PTAFR: variants seen among roughly 807,000 people sequenced by gnomAD.
The protein encoded by PTAFR is platelet activating factor receptor.
PTAFR carries 8 observed loss-of-function variants against 14.7 expected under a neutral mutation model. The ratio of observed to expected loss-of-function variants is 0.54; its 90% CI spans 0.32 to 0.98. PTAFR has a LOEUF of 0.98. PTAFR is among the 50% of genes least tolerant of loss of function. PTAFR has a pLI of 0.04. For missense variants in PTAFR, 337 were observed against 451.2 expected (o/e 0.75, Z 2.29); for synonymous variants, 156 against 176.5 (o/e 0.88, Z 0.92).
At chr1:28,156,999 G>A (rs1295931825) in intron 1 of PTAFR, among the ~76,000 whole-genome samples, 1 of 152,146 alleles carries the variant, frequency 6.6e-6, no homozygotes, top group East Asian at 1.9e-4. Context: ...CTCTTCCTGG[G>A]TTCCTGCACC....
chr1:28,154,482 A>T (rs1646239467), intron 1 of PTAFR, among the ~76,000 whole-genome samples: 1 of 152,118 alleles, frequency 6.6e-6, no homozygotes. Flanking sequence ...AGACAAAAGC[A>T]ATTTAAACAA....
upstream of PTAFR, among the ~76,000 whole-genome samples, chr1:28,178,213 T>C (rs1646533766): frequency 6.6e-6 from 1 of 152,148 alleles, no homozygotes; most frequent in Non-Finnish European, 1.5e-5. Context: ...ATGTCCCTTA[T>C]CAAAGCCAAA....
chr1:28,169,432 G>A (rs762025210), intron 1 of PTAFR, among the ~76,000 whole-genome samples: 3 of 152,096 alleles, frequency 2.0e-5, no homozygotes, highest in Non-Finnish European at 4.4e-5. Flanking sequence ...TGCCGCCTTC[G>A]GGCCTCATTT....
intron 1 of PTAFR, among the ~76,000 whole-genome samples, chr1:28,172,019 C>T (rs905611290): frequency 6.6e-6 from 1 of 151,500 alleles, no homozygotes. Context: ...GTGTGTGTTG[C>T]GGGGGTGGGG....
intron 1 of PTAFR, among the ~76,000 whole-genome samples, chr1:28,185,593 G>A (rs1055874848): frequency 2.0e-5 from 3 of 152,116 alleles, no homozygotes; most frequent in African/African-American, 7.2e-5. Context: ...GTGTGAACTT[G>A]AAAAAGCCAA....
chr1:28,181,300 A>G (rs1427579191), upstream of PTAFR, among the ~76,000 whole-genome samples: 1 of 152,124 alleles, frequency 6.6e-6, no homozygotes. Context: ...TCACAACACC[A>G]CCTATAAAAC....
intron 1 of PTAFR, among the ~76,000 whole-genome samples, chr1:28,173,571 A>C (rs1214507039): frequency 1.3e-5 from 2 of 151,308 alleles, no homozygotes; most frequent in Admixed American, 6.6e-5. Context: ...GGACTGCTTG[A>C]GCCCAGGAGA....
chr1:28,183,530 AG>A (rs1321285307), intron 1 of PTAFR, among the ~76,000 whole-genome samples: 2 of 152,228 alleles, frequency 1.3e-5, no homozygotes, highest in African/African-American at 4.8e-5. Context: ...CAGGAAGCTA[AG>A]GTGGGAGGAT....
At chr1:28,168,666 T>C (rs1389119430) in intron 1 of PTAFR, among the ~76,000 whole-genome samples, 1 of 152,102 alleles carries the variant, frequency 6.6e-6, no homozygotes, top group Non-Finnish European at 1.5e-5. Context: ...GATGAAAACA[T>C]TCTTTTTTGT....
chr1:28,161,336 T>C (rs1384407227), intron 1 of PTAFR, among the ~76,000 whole-genome samples: 4 of 152,190 alleles, frequency 2.6e-5, no homozygotes, highest in Admixed American at 1.3e-4. Context: ...GGGCACTATG[T>C]TGGGGAGACT....
chr1:28,193,257 C>T (rs1366981666), intron 1 of PTAFR, among the ~76,000 whole-genome samples: 1 of 151,694 alleles, frequency 6.6e-6, no homozygotes, highest in Non-Finnish European at 1.5e-5. Flanking sequence ...GAGGGTCTTC[C>T]GGGTTGGGGT....
At chr1:28,157,437 G>C (rs1646276791) in intron 1 of PTAFR, among the ~76,000 whole-genome samples, 1 of 152,042 alleles carries the variant, frequency 6.6e-6, no homozygotes, top group Non-Finnish European at 1.5e-5. Context: ...AAAGTGCTGG[G>C]ATTACGGGTG....
chr1:28,158,182 G>A (rs759653764), intron 1 of PTAFR, among the ~76,000 whole-genome samples: 13 of 152,232 alleles, frequency 8.5e-5, no homozygotes, highest in South Asian at 4.1e-4. Context: ...GGTGTAACGC[G>A]GTTTCAGAGA....
At chr1:28,183,439 C>T (rs952066134) in intron 1 of PTAFR, among the ~76,000 whole-genome samples, 2 of 152,124 alleles carry the variant, frequency 1.3e-5, no homozygotes, top group Admixed American at 6.6e-5. Context: ...CAGTGTCTCA[C>T]GCCTATAAAA....
At chr1:28,178,259 T>G (rs768249609), upstream of PTAFR, among the ~76,000 whole-genome samples, 13 of 152,010 alleles carry the variant, frequency 8.6e-5, no homozygotes, top group Admixed American at 4.6e-4. Flanking sequence ...TTTTTTATTT[T>G]TTTATTTTTT....
chr1:28,180,403 AG>A (rs1646552875), upstream of PTAFR, among the ~76,000 whole-genome samples: 1 of 152,180 alleles, frequency 6.6e-6, no homozygotes, highest in South Asian at 2.1e-4. Flanking sequence ...ATAAAAAAGA[AG>A]TTGCAGCTGA....
chr1:28,167,799 C>T (rs886597496), intron 1 of PTAFR, among the ~76,000 whole-genome samples: 2 of 151,470 alleles, frequency 1.3e-5, no homozygotes, highest in Non-Finnish European at 2.9e-5. Flanking sequence ...CCACCTCGCC[C>T]GGCTAATTTT....
At chr1:28,165,430 A>C (rs1435009161) in intron 1 of PTAFR, among the ~76,000 whole-genome samples, 1 of 150,066 alleles carries the variant, frequency 6.7e-6, no homozygotes, top group Non-Finnish European at 1.5e-5. Flanking sequence ...AAAAAAGGAA[A>C]AAAAAAAAAG....
At chr1:28,168,986 T>C (rs1646423280) in intron 1 of PTAFR, among the ~76,000 whole-genome samples, 1 of 151,892 alleles carries the variant, frequency 6.6e-6, no homozygotes. Context: ...AACATTCTAT[T>C]GGCACTCGCA....
Sources: allele counts gnomAD v4.1 joint callset (sites outside exome capture counted in the v4.1 genomes callset), GRCh38; gene constraint gnomAD v4.1.1; transcripts MANE v1.5; gene names NCBI Gene and HGNC (gene_info 2026-07-23, HGNC 2026-07-21).